OR4D9: variants seen among roughly 807,000 people sequenced by gnomAD.
The protein encoded by OR4D9 is olfactory receptor family 4 subfamily D member 9, also known as olfactory receptor 4D9.
OR4D9 carries 2 observed loss-of-function variants against 0.8 expected under a neutral mutation model. That is an observed-to-expected ratio of 2.58 (90% CI 1.06 to 8.13). The LOEUF (loss-of-function observed/expected upper bound fraction) is 8.13, where lower values mean the gene tolerates loss of function less well. Ranked by LOEUF, OR4D9 falls within the 30% of genes most tolerant of loss-of-function variation. OR4D9 has a pLI of 0.04. For synonymous variants in OR4D9, 146 were observed against 151.2 expected (o/e 0.97, Z 0.25); for missense variants, 399 against 384.7 (o/e 1.04, Z -0.31).
In OR4D9 at chr11:59,515,327, G is replaced by C; in HGVS notation, c.415G>C (p.Gly139Arg). 1 of 1,613,724 alleles carries C rather than the reference G, an allele frequency of 6.2e-7. No homozygotes were observed. The highest frequency in any genetic ancestry group is 8.5e-7 in the Non-Finnish European group (1 of 1,179,866). The stretch of plus-strand genomic sequence containing the variant: ...GCACTATATGACCATCATGAGTAGG[G>C]GGCGATGCACAGGCCTCATCGTGGC... ...PLHYMTIMSR[G>R]RCTGLIVASW... Residue 139 changes from glycine (G) to arginine (R), a missense_variant, in exon 3 of 3, where the codon GGG becomes CGG. Physicochemically the swap from Gly to Arg is moderately radical, Grantham distance 125 (BLOSUM62 -2). Coordinates refer to ENST00000641962, the MANE Select transcript of OR4D9 (RefSeq NM_001004711.2).
chr11:59,515,925 T>G lies in OR4D9; in HGVS notation c.*68T>G. On this transcript the variant is annotated 3_prime_UTR_variant, in exon 3 of 3. Transcript: ENST00000641962. ...ACTTTCTCAAAATGGGAAAGGAGCT[T>G]GTTCATGCCCAAAACAAAGAGATAC... 8.5e-7 allele frequency: 1 copy of G among 1,170,866 alleles called. No homozygotes were observed. Among genetic ancestry groups the G allele is most frequent in the Non-Finnish European group, 1.2e-6 (1 of 843,250 alleles). The allele number at this position is 1,170,866 out of a possible 1,614,324, so 72.5% of individuals were successfully genotyped here.
chr11:59,512,743 G>A (rs1278950167), intron 1 of OR4D9, among the ~76,000 whole-genome samples: 3 of 150,988 alleles, frequency 2.0e-5, no homozygotes, highest in Non-Finnish European at 2.9e-5. Flanking sequence ...GAGGTGGGAG[G>A]ATCAATTGAG....
rs1340188891 is a variant in OR4D9, at chr11:59,517,837, A to G, written c.*1980A>G. On this transcript the variant is annotated 3_prime_UTR_variant, in exon 3 of 3. Coordinates refer to ENST00000641962, the MANE Select transcript of OR4D9 (RefSeq NM_001004711.2). ...CAGAGCGAGACTCCAACTCAAAAAA[A>G]AAAAAGGAGAAGAATCACTGTTGAG... 1 of 152,208 alleles carries G rather than the reference A, an allele frequency of 6.6e-6. No individual in the cohort carries two copies. Among genetic ancestry groups the G allele is most frequent in the African/African-American group, 2.4e-5 (1 of 41,434 alleles). 9.4% of individuals were successfully genotyped at this position (152,208 alleles called of 1,614,324 possible). A position where few individuals can be genotyped will look rare whatever the true frequency, so the allele number is the denominator to read the frequency against.
intron 1 of OR4D9, among the ~76,000 whole-genome samples, chr11:59,512,300 CTTT>C (rs71036528): frequency 1.2e-3 from 145 of 125,480 alleles, no homozygotes; most frequent in African/African-American, 3.3e-3. Flanking sequence ...TTTCTTTTTT[CTTT>C]TTTTTTTTTT....
At chr11:59,513,389 G>T (rs1166246556) in intron 1 of OR4D9, among the ~76,000 whole-genome samples, 1 of 152,096 alleles carries the variant, frequency 6.6e-6, no homozygotes, top group African/African-American at 2.4e-5. Context: ...TATGCCTACT[G>T]GTGTAAACCA....
Position 59,515,525 on chromosome 11 carries a change from T to C in OR4D9, c.613T>C (p.Leu205=). 1 of 1,614,100 alleles carries C rather than the reference T, an allele frequency of 6.2e-7. No individual in the cohort carries two copies. The highest frequency in any genetic ancestry group is 8.5e-7 in the Non-Finnish European group (1 of 1,180,006). Residue 205 remains leucine, a synonymous_variant, in exon 3 of 3, where the codon TTA becomes CTA. Transcript: ENST00000641962. ...LELLMISNNG[L]VSWFVFFFLL... is the part of the protein sequence containing the mutation. ...GCTCCTGATGATTTCAAATAATGGG[T>C]TAGTCAGTTGGTTTGTATTCTTCTT...
At position 59,515,965 on chromosome 11, in the gene OR4D9, G is replaced by A. The variant is rs143233893; in HGVS notation, c.*108G>A. 36 of 796,896 alleles carry A rather than the reference G, an allele frequency of 4.5e-5. No homozygotes were observed. Among genetic ancestry groups the A allele is most frequent in the Non-Finnish European group, 5.8e-5 (30 of 515,386 alleles). The allele number at this position is 796,896 out of a possible 1,614,324, so 49.4% of individuals were successfully genotyped here. A position where few individuals can be genotyped will look rare whatever the true frequency, so the allele number is the denominator to read the frequency against. On this transcript the variant is annotated 3_prime_UTR_variant, in exon 3 of 3. Coordinates refer to ENST00000641962, the MANE Select transcript of OR4D9 (RefSeq NM_001004711.2). ...CAAAGAGATACCTATGGCCACCATC[G>A]AGTCCTAAAAGAAGTTATTCCATCA...
Position 59,518,264 on chromosome 11 carries a change from A to G in OR4D9, c.*2407A>G, listed in dbSNP as rs1387739037. 1 of 152,288 alleles carries G rather than the reference A, an allele frequency of 6.6e-6. No homozygotes were observed. Among genetic ancestry groups the G allele is most frequent in the Non-Finnish European group, 1.5e-5 (1 of 68,094 alleles). The allele number at this position is 152,288 out of a possible 1,614,324, so 9.4% of individuals were successfully genotyped here. A position where few individuals can be genotyped will look rare whatever the true frequency, so the allele number is the denominator to read the frequency against. On this transcript the variant is annotated 3_prime_UTR_variant, in exon 3 of 3. Transcript: ENST00000641962. ...ATTTATCAATCAGAGTAGGCCAACC[A>G]CTGCAACAAAAATGTCCACGGTCTA... is the stretch of plus-strand genomic sequence containing the variant.
intron 1 of OR4D9, among the ~76,000 whole-genome samples, chr11:59,513,712 C>A (rs1859361210): frequency 1.3e-5 from 2 of 152,034 alleles, no homozygotes; most frequent in South Asian, 4.1e-4. Context: ...GTAGGAAGAT[C>A]ACCCGAGGCC....
At chr11:59,512,435 C>T (rs537210319) in intron 1 of OR4D9, among the ~76,000 whole-genome samples, 2 of 145,742 alleles carry the variant, frequency 1.4e-5, no homozygotes, top group South Asian at 2.2e-4. Flanking sequence ...CGAGATTGTG[C>T]CACTGCACTC....
rs1454182609 is a variant in OR4D9, at chr11:59,517,273, A to C, written c.*1416A>C. ...AAAGAAAAGACAAAAAGAAACCAGCATGCGCAAAGAAAGAAAATGAGGTGA... is the reference window on the plus strand; with the variant it reads ...AAAGAAAAGACAAAAAGAAACCAGCCTGCGCAAAGAAAGAAAATGAGGTGA... On this transcript the variant is annotated 3_prime_UTR_variant, in exon 3 of 3. Coordinates refer to ENST00000641962, the MANE Select transcript of OR4D9 (RefSeq NM_001004711.2). The C allele has an allele frequency of 1.3e-5, 2 of 151,874 alleles. No individual in the cohort carries two copies. Among genetic ancestry groups the C allele is most frequent in the Non-Finnish European group, 1.5e-5 (1 of 67,944 alleles). The allele number at this position is 151,874 out of a possible 1,614,324, so 9.4% of individuals were successfully genotyped here. A position where few individuals can be genotyped will look rare whatever the true frequency, so the allele number is the denominator to read the frequency against.
intron 1 of OR4D9, 47 bp from the exon 2 acceptor site, chr11:59,514,626 T>C (rs1859375062): frequency 3.4e-6 from 1 of 294,930 alleles, no homozygotes; most frequent in East Asian, 6.0e-5. Flanking sequence ...GATTTTATAG[T>C]GAAAGTACAA....
chr11:59,518,580 G>T lies in OR4D9; in HGVS notation c.*2723G>T, dbSNP rs2134589015. On this transcript the variant is annotated 3_prime_UTR_variant, in exon 3 of 3. Coordinates refer to ENST00000641962, the MANE Select transcript of OR4D9 (RefSeq NM_001004711.2). ...ATATTTTTATTTTCATAGAGATGAG[G>T]TCTCACTAAGTTGCCCAGGCTGGTT... 1 of 152,258 alleles carries T rather than the reference G, an allele frequency of 6.6e-6. No individual in the cohort carries two copies. The highest frequency in any genetic ancestry group is 1.9e-4 in the East Asian group (1 of 5,186). 9.4% of individuals were successfully genotyped at this position (152,258 alleles called of 1,614,324 possible). A position where few individuals can be genotyped will look rare whatever the true frequency, so the allele number is the denominator to read the frequency against.
intron 2 of OR4D9, 40 bp downstream of exon 2, chr11:59,514,806 C>T (rs964549118): frequency 4.0e-5 from 31 of 774,148 alleles, no homozygotes; most frequent in Non-Finnish European, 6.1e-5. Flanking sequence ...TAATTCTGAG[C>T]CAAATCTTAA....
At position 59,512,456 on chromosome 11, in the gene OR4D9, G is replaced by A. The variant is rs1314026321; in HGVS notation, c.-125+710G>A. Among the ~76,000 whole-genome samples, 8 of 127,866 alleles carry A rather than the reference G, an allele frequency of 6.3e-5. No homozygotes were observed. The East Asian group carries it at 6.8e-4, about 11-fold the overall frequency. 83.9% of individuals were successfully genotyped at this position (127,866 alleles called of 152,430 possible). On this transcript the variant is annotated intron_variant, in intron 1 of 2. Transcript: ENST00000641962. ...TGTGCCACTGCACTCCAGCCTGGGCGACACAGCGAGACTCCATCTCAAAAA... is the reference window on the plus strand; with the variant it reads ...TGTGCCACTGCACTCCAGCCTGGGCAACACAGCGAGACTCCATCTCAAAAA...
chr11:59,514,907 G>A lies in OR4D9; in HGVS notation c.-6G>A. 6.4e-7 allele frequency: 1 copy of A among 1,569,414 alleles called. No individual in the cohort carries two copies. Among genetic ancestry groups the A allele is most frequent in the Non-Finnish European group, 8.7e-7 (1 of 1,144,098 alleles). ...GAGATGAACCTGATAAAGGATCTGTGATTCAATGGATCAGAGAAATTACAC... is the reference window on the plus strand; with the variant it reads ...GAGATGAACCTGATAAAGGATCTGTAATTCAATGGATCAGAGAAATTACAC... On this transcript the variant is annotated 5_prime_UTR_variant, in exon 3 of 3. An upstream open reading frame in the 5' UTR loses its in-frame stop. Transcript: ENST00000641962.
chr11:59,517,376 G>A lies in OR4D9; in HGVS notation c.*1519G>A, dbSNP rs980337170. 1 of 152,198 alleles carries A rather than the reference G, an allele frequency of 6.6e-6. No individual in the cohort carries two copies. Among genetic ancestry groups the A allele is most frequent in the Non-Finnish European group, 1.5e-5 (1 of 68,058 alleles). 9.4% of individuals were successfully genotyped at this position (152,198 alleles called of 1,614,324 possible). On this transcript the variant is annotated 3_prime_UTR_variant, in exon 3 of 3. Transcript: ENST00000641962. ...ACTCTTGGGGTGAATACTGGTACTG[G>A]ACCTTTAAAAGAAAAGTTGGGAAGA...
At position 59,520,516 on chromosome 11, in the gene OR4D9, C is replaced by T. The variant is rs1037370281; in HGVS notation, c.*4659C>T. On this transcript the variant is annotated 3_prime_UTR_variant, in exon 3 of 3. Transcript: ENST00000641962. ...AGGAGATATACCTAATGCTAAATGA[C>T]GAGTTAATGGGCACAGCACACCAGC... The T allele has an allele frequency of 6.0e-5, 9 of 150,204 alleles. No individual in the cohort carries two copies. Among genetic ancestry groups the T allele is most frequent in the Admixed American group, 2.0e-4 (3 of 15,074 alleles). The allele number at this position is 150,204 out of a possible 1,614,324, so 9.3% of individuals were successfully genotyped here.
chr11:59,512,281 A>T (rs1859336412), intron 1 of OR4D9, among the ~76,000 whole-genome samples: 1 of 149,482 alleles, frequency 6.7e-6, no homozygotes. Flanking sequence ...CCCCTTTGGG[A>T]TGATTTTTTT....
Sources: allele counts gnomAD v4.1 joint callset (sites outside exome capture counted in the v4.1 genomes callset), GRCh38; gene constraint gnomAD v4.1.1; transcripts MANE v1.5; gene names NCBI Gene and HGNC (gene_info 2026-07-23, HGNC 2026-07-21).